The following CCT3 variants were observed in gnomAD, a reference collection of about 807,000 sequenced individuals.
The protein encoded by CCT3 is chaperonin containing TCP1 subunit 3.
CCT3 carries 10 observed loss-of-function variants against 65.3 expected under a neutral mutation model. That is an observed-to-expected ratio of 0.15 (90% CI 0.09 to 0.26). The LOEUF is 0.26. Among genes scored for constraint, CCT3 ranks in the 10% least tolerant of loss-of-function variants. The probability of loss-of-function intolerance (pLI) is 1.00; values close to 1 mark genes in which losing one functional copy is unlikely to be tolerated. For missense variants in CCT3, 626 were observed against 708.7 expected (o/e 0.88, Z 1.33); for synonymous variants, 225 against 242.3 (o/e 0.93, Z 0.66).
At chr1:156,314,633 G>C (rs934058859) in intron 10 of CCT3, among the ~76,000 whole-genome samples, 1 of 152,166 alleles carries the variant, frequency 6.6e-6, no homozygotes, top group Non-Finnish European at 1.5e-5. Flanking sequence ...AGAATCGTTT[G>C]AACCCAGGAG....
intron 5 of CCT3, among the ~76,000 whole-genome samples, chr1:156,329,430 C>T (rs564794129): frequency 1.1e-4 from 17 of 151,606 alleles, no homozygotes; most frequent in African/African-American, 3.9e-4. Flanking sequence ...CTCAGCCTCC[C>T]GAGTAGCTGG....
rs545202558 is a variant in CCT3 at position 156,324,517 on chromosome 1, G to A, written c.422+455C>T. Among the ~76,000 whole-genome samples the A allele has an allele frequency of 4.1e-4, 63 of 152,178 alleles. No homozygotes were observed. In the South Asian group the frequency reaches 8.7e-3, roughly 21 times the overall value. ...TGGGAGTTTCGCTCTTGTTGCTCAG[G>A]TTGGAGTGCAGTGGAGAGATCTTGG... On this transcript the variant is annotated intron_variant, in intron 6 of 13. Coordinates refer to ENST00000295688, the MANE Select transcript of CCT3 (RefSeq NM_005998.5).
intron 6 of CCT3, among the ~76,000 whole-genome samples, chr1:156,322,633 G>T (rs924183027): frequency 2.6e-5 from 4 of 151,910 alleles, no homozygotes; most frequent in African/African-American, 9.7e-5. Context: ...CGAGGCAGGC[G>T]GATCACCTGA....
At chr1:156,318,003 C>T (rs1004895329) in intron 8 of CCT3, among the ~76,000 whole-genome samples, 12 of 152,102 alleles carry the variant, frequency 7.9e-5, no homozygotes, top group African/African-American at 2.7e-4. Flanking sequence ...TGAGCCACCA[C>T]GCCCGGCCAG....
intron 6 of CCT3, among the ~76,000 whole-genome samples, chr1:156,321,779 T>C (rs1225192611): frequency 1.3e-5 from 2 of 151,996 alleles, no homozygotes; most frequent in Non-Finnish European, 2.9e-5. Context: ...GAGGCAGAGG[T>C]TGCAGTGACC....
At chr1:156,334,383 G>A (rs906777434) in intron 4 of CCT3, among the ~76,000 whole-genome samples, 15 of 152,124 alleles carry the variant, frequency 9.9e-5, no homozygotes, top group African/African-American at 1.9e-4. Context: ...ACCAATCACC[G>A]GTGTCCTTGT....
chr1:156,337,204 T>C, intron 1 of CCT3: 2 of 450,490 alleles, frequency 4.4e-6, no homozygotes, highest in Non-Finnish European at 7.6e-6. Context: ...CATCAGCAGT[T>C]GGAGACCAGC....
At chr1:156,325,156 A>G in intron 5 of CCT3, 67 bp from the exon 6 acceptor site, 2 of 1,146,716 alleles carry the variant, frequency 1.7e-6, no homozygotes, top group Non-Finnish European at 2.6e-6. Context: ...TAACTTAATT[A>G]TTCTTCCAAA....
intron 8 of CCT3, among the ~76,000 whole-genome samples, chr1:156,318,136 G>A (rs553824075): frequency 9.9e-5 from 15 of 152,140 alleles, no homozygotes; most frequent in Admixed American, 8.5e-4. Context: ...GCAGTGTGCA[G>A]GAAAATCCTG....
At chr1:156,329,872 G>A (rs1212223413) in intron 5 of CCT3, among the ~76,000 whole-genome samples, 1 of 151,808 alleles carries the variant, frequency 6.6e-6, no homozygotes, top group Non-Finnish European at 1.5e-5. Context: ...CCGGGAGGCA[G>A]AGGCTGCAGT....
intron 11 of CCT3, among the ~76,000 whole-genome samples, chr1:156,311,612 G>A (rs1664086018): frequency 6.6e-6 from 1 of 152,100 alleles, no homozygotes; most frequent in Non-Finnish European, 1.5e-5. Context: ...CTACTTACTA[G>A]CTATGTGCCT....
At chr1:156,332,019 T>G (rs374870152) in intron 5 of CCT3, among the ~76,000 whole-genome samples, 120 of 142,792 alleles carry the variant, frequency 8.4e-4, no homozygotes, top group African/African-American at 2.8e-3. Flanking sequence ...GCAACAAGAG[T>G]GAGACTCCAT....
Position 156,338,143 on chromosome 1 carries a change from C to T in CCT3, c.31+11G>A, listed in dbSNP as rs1486721572. ...AAAGGGGGTCCATTTCCTGGCATCC[C>T]CAGAACTCACTGAGCACGAGCACTG... On this transcript the variant is annotated intron_variant, in intron 1 of 13. Transcript: ENST00000295688. The T allele has an allele frequency of 6.3e-7, 1 of 1,583,652 alleles. No homozygotes were observed.
At chr1:156,334,292 A>G (rs932773479) in intron 4 of CCT3, among the ~76,000 whole-genome samples, 4 of 151,946 alleles carry the variant, frequency 2.6e-5, no homozygotes, top group Non-Finnish European at 2.9e-5. Context: ...GAACCTGTGA[A>G]TTTTACTTTA....
chr1:156,320,857 T>G lies in CCT3; in HGVS notation c.591A>C (p.Lys197Asn), dbSNP rs1195065784. Residue 197 changes from lysine (K) to asparagine (N), a missense_variant, in exon 7 of 14, where the codon AAA becomes AAC. Lys to Asn is a moderately conservative substitution (Grantham distance 94). Transcript: ENST00000295688. ...ENGRKEIDIK[K>N]YARVEKIPGG... ...AGTTTACCTTTTCCACTCTTGCATA[T>G]TTTTTTATGTCAATCTCTTTCCGAC... 1 of 1,605,266 alleles carries G rather than the reference T, an allele frequency of 6.2e-7. No individual in the cohort carries two copies. The highest frequency in any genetic ancestry group is 2.2e-5 in the East Asian group (1 of 44,720).
At chr1:156,310,037 C>CAAA (rs71080758) in intron 13 of CCT3, among the ~76,000 whole-genome samples, 2 of 76,494 alleles carry the variant, frequency 2.6e-5, no homozygotes, top group African/African-American at 5.7e-5. Context: ...TAGTCTGTTT[C>CAAA]AAAAAAAAAA....
intron 1 of CCT3, among the ~76,000 whole-genome samples, chr1:156,336,191 A>G (rs1665342628): frequency 6.6e-6 from 1 of 152,230 alleles, no homozygotes; most frequent in African/African-American, 2.4e-5. Context: ...CTATATTTAC[A>G]GCAGGGATTC....
Position 156,319,025 on chromosome 1 carries a change from A to G in CCT3, c.610-8T>C, listed in dbSNP as rs1664431000. ...AATGATGCCTCCAGGTATCTGAACA[A>G]AAGACAACTGCACTTTAATCCACAA... is the stretch of plus-strand genomic sequence containing the variant. On this transcript the variant is annotated splice_region_variant and splice_polypyrimidine_tract_variant and intron_variant, in intron 7 of 13. Transcript: ENST00000295688. 1 of 1,590,594 alleles carries G rather than the reference A, an allele frequency of 6.3e-7. No homozygotes were observed. Among genetic ancestry groups the G allele is most frequent in the African/African-American group, 1.4e-5 (1 of 73,718 alleles).
At chr1:156,314,159 GATTAC>G (rs1664209542) in intron 10 of CCT3, among the ~76,000 whole-genome samples, 1 of 151,166 alleles carries the variant, frequency 6.6e-6, no homozygotes, top group Non-Finnish European at 1.5e-5. Context: ...AATATGAAAG[GATTAC>G]ATTACTGAAG....
Sources: allele counts gnomAD v4.1 joint callset (sites outside exome capture counted in the v4.1 genomes callset), GRCh38; gene constraint gnomAD v4.1.1; transcripts MANE v1.5; gene names NCBI Gene and HGNC (gene_info 2026-07-23, HGNC 2026-07-21).